Variants in MEF2A observed in about 807,000 individuals in gnomAD.
MEF2A encodes the protein myocyte enhancer factor 2A.
Under a neutral mutation model 55.8 loss-of-function variants are expected in MEF2A, and 28 were observed. The observed-to-expected ratio is 0.50, with a 90% confidence interval of 0.37 to 0.69. The LOEUF is 0.69. MEF2A is among the 30% of genes least tolerant of loss of function. The pLI is 0.00. For missense variants in MEF2A, 528 were observed against 626.2 expected, an observed-to-expected ratio of 0.84 and a Z score of 1.67; for synonymous variants, 239 against 227.1, an observed-to-expected ratio of 1.05 and a Z score of -0.47.
At position 99,570,255 on chromosome 15, in the gene MEF2A, A is replaced by G. The variant is rs544145236; in HGVS notation, c.-225+4151A>G. Among the ~76,000 whole-genome samples, 9 of 152,320 alleles carry G rather than the reference A, an allele frequency of 5.9e-5. No homozygotes were observed. In the South Asian group the frequency reaches 6.2e-4, roughly 11 times the overall value. On this transcript the variant is annotated intron_variant, in intron 1 of 11. Coordinates refer to ENST00000557942, the MANE Select transcript of MEF2A (RefSeq NM_001319206.4). ...AGAGGAACAAACATGGGTGAAAAAC[A>G]TATTAATTAATCAAACTTCTAGTAA... is the stretch of plus-strand genomic sequence containing the variant.
chr15:99,713,865 A>C lies in MEF2A; in HGVS notation c.*1094A>C, dbSNP rs982033325. 3 of 152,356 alleles carry C rather than the reference A, an allele frequency of 2.0e-5. No homozygotes were observed. In the East Asian group the frequency reaches 5.8e-4, roughly 29 times the overall value. 9.4% of individuals were successfully genotyped at this position (152,356 alleles called of 1,614,324 possible). A position where few individuals can be genotyped will look rare whatever the true frequency, so the allele number is the denominator to read the frequency against. On this transcript the variant is annotated 3_prime_UTR_variant, in exon 12 of 12. Coordinates refer to ENST00000557942, the MANE Select transcript of MEF2A (RefSeq NM_001319206.4). ...ACTCTTTGTGTATATAGCATCTTAA[A>C]TATATTATCACCTTTGATGTAAGTA...
At position 99,596,396 on chromosome 15, in the gene MEF2A, CA is replaced by C. The variant is rs534155471; in HGVS notation, c.-224-2022del. On this transcript the variant is annotated intron_variant, in intron 1 of 11. Transcript: ENST00000557942. ...TTAAAGTAAGCTCCTTTTACCTTTG[CA>C]AAAAAAAAAAACTTGTTTATGTGTT... is the stretch of plus-strand genomic sequence containing the variant. Among the ~76,000 whole-genome samples the C allele has an allele frequency of 8.0e-3, 1,071 of 134,472 alleles. 10 individuals carry two copies. Among genetic ancestry groups the C allele is most frequent in the African/African-American group, 0.026 (968 of 36,730 alleles). 88.2% of individuals were successfully genotyped at this position (134,472 alleles called of 152,430 possible).
Position 99,710,662 on chromosome 15 carries a change from A to G in MEF2A, c.1038A>G (p.Ser346=), listed in dbSNP as rs1487761203. 1.2e-6 allele frequency: 2 copies of G among 1,613,634 alleles called. No homozygotes were observed. The highest frequency in any genetic ancestry group is 1.1e-5 in the South Asian group (1 of 91,078). Residue 346 remains serine, a synonymous_variant, in exon 11 of 12, where the codon TCA becomes TCG. Transcript: ENST00000557942. ...TDYSLTSADL[S]ALQGFNSPGM... is the part of the protein sequence containing the mutation. ...ATTCACTGACCAGCGCTGACCTGTC[A>G]GCCCTTCAAGGCTTCAACTCGCCAG...
At chr15:99,640,172 A>T (rs1194621849) in intron 3 of MEF2A, among the ~76,000 whole-genome samples, 1 of 152,194 alleles carries the variant, frequency 6.6e-6, no homozygotes, top group Non-Finnish European at 1.5e-5. Context: ...TCTTTCAGAT[A>T]ACTCTCATTG....
intron 1 of MEF2A, among the ~76,000 whole-genome samples, chr15:99,580,006 T>C (rs563254956): frequency 3.6e-4 from 55 of 152,322 alleles, no homozygotes; most frequent in African/African-American, 1.3e-3. Flanking sequence ...CAAGAGAATT[T>C]TGAAATTCCT....
intron 1 of MEF2A, among the ~76,000 whole-genome samples, chr15:99,566,950 A>G (rs1479512757): frequency 6.6e-6 from 1 of 152,192 alleles, no homozygotes; most frequent in African/African-American, 2.4e-5. Flanking sequence ...TGTGTTAGAA[A>G]CTTTGCTTTT....
chr15:99,587,937 C>T (rs1359113957), intron 1 of MEF2A, among the ~76,000 whole-genome samples: 2 of 142,468 alleles, frequency 1.4e-5, no homozygotes, highest in East Asian at 4.2e-4. Flanking sequence ...CATTATTCCA[C>T]TGCTTAGGAC....
intron 1 of MEF2A, among the ~76,000 whole-genome samples, chr15:99,569,936 T>C (rs549153820): frequency 1.3e-5 from 2 of 151,966 alleles, no homozygotes; most frequent in Admixed American, 6.5e-5. Context: ...AATCCATTTG[T>C]TAATTAGTAA....
intron 6 of MEF2A, 26 bp from the exon 7 acceptor site, chr15:99,675,373 C>CT (rs1344473633): frequency 1.2e-6 from 2 of 1,606,424 alleles, no homozygotes; most frequent in South Asian, 1.1e-5. Flanking sequence ...TCTCTGCCCT[C>CT]TGTCTTCTCT....
chr15:99,690,287 T>C lies in MEF2A; in HGVS notation c.717T>C (p.Ala239=), dbSNP rs1454510831. 6.2e-7 allele frequency: 1 copy of C among 1,613,854 alleles called. No individual in the cohort carries two copies. Among genetic ancestry groups the C allele is most frequent in the Non-Finnish European group, 8.5e-7 (1 of 1,179,826 alleles). Residue 239 remains alanine, a synonymous_variant, in exon 8 of 12, where the codon GCT becomes GCC. Coordinates refer to ENST00000557942, the MANE Select transcript of MEF2A (RefSeq NM_001319206.4). ...NSRASPNLIG[A]TGANSLGKVM... Reference sequence around the variant, plus strand: ...GAGCTTCTCCAAATTTGATTGGAGCTACTGGTGCAAATAGCTTAGGCAAAG... The same window carrying C: ...GAGCTTCTCCAAATTTGATTGGAGCCACTGGTGCAAATAGCTTAGGCAAAG...
At chr15:99,705,588 C>G (rs1285362066) in intron 9 of MEF2A, among the ~76,000 whole-genome samples, 1 of 152,206 alleles carries the variant, frequency 6.6e-6, no homozygotes, top group African/African-American at 2.4e-5. Flanking sequence ...CTCACATCTT[C>G]TAACCTAGGT....
rs1050160844 is a variant in MEF2A, at chr15:99,633,037, G to T, written c.-83G>T. 2.5e-5 allele frequency: 28 copies of T among 1,122,664 alleles called. No individual in the cohort carries two copies. Among genetic ancestry groups the T allele is most frequent in the Non-Finnish European group, 3.5e-5 (27 of 768,016 alleles). The allele number at this position is 1,122,664 out of a possible 1,614,324, so 69.5% of individuals were successfully genotyped here. ...TAGAAGCTGAAATAACAGAAGCTGTGTACGATGCATTAGGGTATTGAAGAA... is the reference window on the plus strand; with the variant it reads ...TAGAAGCTGAAATAACAGAAGCTGTTTACGATGCATTAGGGTATTGAAGAA... On this transcript the variant is annotated 5_prime_UTR_variant, in exon 3 of 12. Transcript: ENST00000557942.
Position 99,588,293 on chromosome 15 carries a change from G to A in MEF2A, c.-224-10137G>A, listed in dbSNP as rs1046366367. On this transcript the variant is annotated intron_variant, in intron 1 of 11. Coordinates refer to ENST00000557942, the MANE Select transcript of MEF2A (RefSeq NM_001319206.4). ...CACCACACTCAGCTAATTTTTTTTT[G>A]TTGTTTTTTTCTTTTCTTTTCTTTT... Among the ~76,000 whole-genome samples the A allele has an allele frequency of 3.3e-5, 5 of 151,662 alleles. No homozygotes were observed. The East Asian group carries it at 9.7e-4, about 29-fold the overall frequency.
At chr15:99,583,737 C>G (rs1037514036) in intron 1 of MEF2A, among the ~76,000 whole-genome samples, 6 of 151,966 alleles carry the variant, frequency 3.9e-5, no homozygotes, top group African/African-American at 1.5e-4. Context: ...ATATTTATTA[C>G]AGGCTAATAT....
chr15:99,696,406 T>A (rs1307590627), intron 8 of MEF2A, among the ~76,000 whole-genome samples: 3 of 152,140 alleles, frequency 2.0e-5, no homozygotes, highest in Non-Finnish European at 2.9e-5. Context: ...CATATTATAT[T>A]CTCTGGCCAT....
intron 8 of MEF2A, among the ~76,000 whole-genome samples, chr15:99,699,982 GTGTATA>G (rs1344867133): frequency 6.5e-4 from 75 of 114,844 alleles, no homozygotes; most frequent in African/African-American, 1.1e-3. Context: ...GTGTGTGTGT[GTGTATA>G]TATATATATA....
intron 3 of MEF2A, among the ~76,000 whole-genome samples, chr15:99,644,430 G>A (rs1024018748): frequency 6.6e-6 from 1 of 152,136 alleles, no homozygotes; most frequent in African/African-American, 2.4e-5. Context: ...TGTACGTATT[G>A]TATCTGTAAT....
At chr15:99,601,245 A>T (rs1382406910) in intron 2 of MEF2A, among the ~76,000 whole-genome samples, 1 of 152,206 alleles carries the variant, frequency 6.6e-6, no homozygotes, top group Admixed American at 6.5e-5. Flanking sequence ...TATAATTTGT[A>T]ATATTGCTAA....
chr15:99,590,637 T>A (rs1036961655), intron 1 of MEF2A, among the ~76,000 whole-genome samples: 5 of 151,932 alleles, frequency 3.3e-5, no homozygotes, highest in African/African-American at 4.8e-5. Context: ...ACTTTCTTGG[T>A]TGATTAGTTT....
Sources: gnomAD v4.1 joint callset for allele counts (sites outside exome capture counted in the v4.1 genomes callset) on GRCh38, gnomAD v4.1.1 for gene constraint, MANE v1.5 for transcripts, NCBI Gene and HGNC (gene_info 2026-07-23, HGNC 2026-07-21) for gene names.